Variants in IGFN1 observed in about 807,000 individuals in gnomAD.
IGFN1 encodes immunoglobulin-like and fibronectin type III domain-containing protein 1.
IGFN1 carries 253 observed loss-of-function variants against 289.5 expected under a neutral mutation model. The observed-to-expected ratio is 0.87, with a 90% CI of 0.79 to 0.97. The LOEUF is 0.97. Among genes scored for constraint, IGFN1 ranks in the 50% least tolerant of loss-of-function variants. IGFN1 has a pLI of 0.00. For synonymous variants in IGFN1, 1,706 were observed against 1,788.5 expected, an observed-to-expected ratio of 0.95 and a Z score of 1.16; for missense variants, 4,470 against 4,686.1, an observed-to-expected ratio of 0.95 and a Z score of 1.35.
At position 201,207,418 on chromosome 1, in the gene IGFN1, A is replaced by C. The variant is rs1336822500; in HGVS notation, c.2525A>C (p.Asp842Ala). 6.5e-7 allele frequency: 1 copy of C among 1,533,306 alleles called. No homozygotes were observed. Among genetic ancestry groups the C allele is most frequent in the East Asian group, 2.4e-5 (1 of 40,860 alleles). 95.0% of individuals were successfully genotyped at this position (1,533,306 alleles called of 1,614,324 possible). ...TCTAAGGGCACAAGTCCTTGGGATGACACACCATCTAGCCTCAGAAAAACT... is the reference window on the plus strand; with the variant it reads ...TCTAAGGGCACAAGTCCTTGGGATGCCACACCATCTAGCCTCAGAAAAACT... ...IESKGTSPWD[D>A]TPSSLRKTGA... The change falls in exon 12 of 24, where the codon GAC becomes GCC. Residue 842 changes from aspartate to alanine, a missense_variant. By Grantham distance (126) the Asp-to-Ala change is moderately radical (BLOSUM62 -2). Transcript: ENST00000335211.
chr1:201,211,969 G>A lies in IGFN1; in HGVS notation c.7076G>A (p.Gly2359Glu). ...GGACCAGAGGGTAAGATGGGTTATGGAGATGGTTCAGGGAGGCTTGGAGTA... is the reference window on the plus strand; with the variant it reads ...GGACCAGAGGGTAAGATGGGTTATGAAGATGGTTCAGGGAGGCTTGGAGTA... Reference protein sequence around the residue: ...ETGPEGKMGYGDGSGRLGVPG... With the variant: ...ETGPEGKMGYEDGSGRLGVPG... Residue 2359 changes from glycine to glutamate, a missense_variant, in exon 12 of 24, where the codon GGA (glycine) becomes GAA (glutamate). Transcript: ENST00000335211. 2.0e-6 allele frequency: 3 copies of A among 1,534,370 alleles called. No homozygotes were observed. Among genetic ancestry groups the A allele is most frequent in the Non-Finnish European group, 2.6e-6 (3 of 1,145,594 alleles).
At position 201,207,021 on chromosome 1, in the gene IGFN1, G is replaced by A; in HGVS notation, c.2128G>A (p.Gly710Ser). The A allele has an allele frequency of 6.5e-7, 1 of 1,536,784 alleles. No homozygotes were observed. Among genetic ancestry groups the A allele is most frequent in the African/African-American group, 1.4e-5 (1 of 73,136 alleles). The change falls in exon 12 of 24, where the codon GGC becomes AGC. Residue 710 changes from glycine (G) to serine (S), a missense_variant. Gly to Ser is a moderately conservative substitution (Grantham distance 56). This residue lies in a region of IGFN1 where 2,011 missense variants were observed against 1,953.4 expected (regional missense o/e 1.03). Coordinates refer to ENST00000335211, the MANE Select transcript of IGFN1 (RefSeq NM_001164586.2). ...GRDADYGEAR[G>S]YWGSGELLEQ... is the part of the protein sequence containing the mutation. ...AGATGCTGACTATGGGGAAGCCAGG[G>A]GCTACTGGGGGTCAGGAGAGTTGCT... is the stretch of plus-strand genomic sequence containing the variant.
At chr1:201,203,599 C>A in intron 9 of IGFN1, 139 bp from the exon 10 acceptor site, 1 of 727,488 alleles carries the variant, frequency 1.4e-6, no homozygotes, top group Non-Finnish European at 2.3e-6. Context: ...CCCATCCCAG[C>A]TCCTCTATGG....
chr1:201,206,456 G>A lies in IGFN1; in HGVS notation c.1563G>A (p.Arg521=), dbSNP rs1301224600. ...EGGWARSLAE[R]PHLQGESSES... ...GCTGGGCCAGAAGCCTTGCAGAGAG[G>A]CCCCATCTACAGGGAGAGAGCTCAG... Residue 521 remains arginine (R), a synonymous_variant, in exon 12 of 24, where the codon AGG becomes AGA. Transcript: ENST00000335211. 9 of 1,551,190 alleles carry A rather than the reference G, an allele frequency of 5.8e-6. No individual in the cohort carries two copies. The Admixed American group carries it at 1.2e-4, about 20-fold the overall frequency.
In IGFN1 at chr1:201,227,148, A is replaced by G. The variant is rs1205764464; in HGVS notation, c.11053A>G (p.Lys3685Glu). 2.5e-6 allele frequency: 4 copies of G among 1,613,032 alleles called. No individual in the cohort carries two copies. In the Admixed American group the frequency reaches 5.0e-5, roughly 20 times the overall value. The change falls in exon 23 of 24, where the codon AAG becomes GAG. Residue 3685 changes from lysine (K) to glutamate (E), a missense_variant. Coordinates refer to ENST00000335211, the MANE Select transcript of IGFN1 (RefSeq NM_001164586.2). ...ATCCCCGAAGGACAGCGGGGAGTAC[A>G]AGGCTGTGGCTGAGAACACGCTGGG... is the stretch of plus-strand genomic sequence containing the variant. The part of the protein sequence containing the change: ...SVSPKDSGEY[K>E]AVAENTLGQA...
rs773429398 is a variant in IGFN1, at chr1:201,226,917, C to T, written c.10822C>T (p.Pro3608Ser). ...FTVKAPCYRE[P>S]DLSQKPRFLV... ...AGTGAAGGCTCCGTGCTACCGGGAG[C>T]CCGACCTGAGCCAGAAGCCCCGGTT... Residue 3608 changes from proline (P) to serine (S), a missense_variant, in exon 23 of 24, where the codon CCC (proline) becomes TCC (serine). Physicochemically the swap from Pro to Ser is moderately conservative, Grantham distance 74. Transcript: ENST00000335211. 6.8e-6 allele frequency: 11 copies of T among 1,607,584 alleles called. No homozygotes were observed. Among genetic ancestry groups the T allele is most frequent in the South Asian group, 2.2e-5 (2 of 90,450 alleles).
chr1:201,209,100 G>A lies in IGFN1; in HGVS notation c.4207G>A (p.Gly1403Arg). 6.5e-7 allele frequency: 1 copy of A among 1,535,626 alleles called. No individual in the cohort carries two copies. Among genetic ancestry groups the A allele is most frequent in the Non-Finnish European group, 8.7e-7 (1 of 1,146,426 alleles). The change falls in exon 12 of 24, where the codon GGG becomes AGG. Residue 1403 changes from glycine to arginine, a missense_variant. Coordinates refer to ENST00000335211, the MANE Select transcript of IGFN1 (RefSeq NM_001164586.2). ...RAGLRGPGEM[G>R]SLDESGHRNG... is the part of the protein sequence containing the mutation. ...TGGTTTAAGGGGTCCTGGGGAGATG[G>A]GGTCACTGGATGAGTCAGGTCATAG... is the stretch of plus-strand genomic sequence containing the variant.
Position 201,208,448 on chromosome 1 carries a change from T to A in IGFN1, c.3555T>A (p.Asp1185Glu), listed in dbSNP as rs1667543783. The A allele has an allele frequency of 6.9e-7, 1 of 1,446,198 alleles. No individual in the cohort carries two copies. The highest frequency in any genetic ancestry group is 9.0e-7 in the Non-Finnish European group (1 of 1,106,738). 89.6% of individuals were successfully genotyped at this position (1,446,198 alleles called of 1,614,324 possible). Residue 1185 changes from aspartate to glutamate, a missense_variant, in exon 12 of 24, where the codon GAT (aspartate) becomes GAA (glutamate). Physicochemically the swap from Asp to Glu is conservative, Grantham distance 45 (BLOSUM62 2). This residue lies in a region of IGFN1 where 2,011 missense variants were observed against 1,953.4 expected (regional missense o/e 1.03). Coordinates refer to ENST00000335211, the MANE Select transcript of IGFN1 (RefSeq NM_001164586.2). ...GAGCTGGAGCTGGTTATAGGGATGA[T>A]ACCAGGCACCCTGAGTCACTCGCAC... ...ASGAGAGYRD[D>E]TRHPESLAPH...
At chr1:201,221,864 A>G in intron 19 of IGFN1, 118 bp downstream of exon 19, 1 of 850,444 alleles carries the variant, frequency 1.2e-6, no homozygotes, top group South Asian at 1.9e-5. Flanking sequence ...TTCAGGAAGT[A>G]ACATTTATTG....
chr1:201,208,002 G>T lies in IGFN1; in HGVS notation c.3109G>T (p.Ala1037Ser), dbSNP rs1330513480. Residue 1037 changes from alanine (A) to serine (S), a missense_variant, in exon 12 of 24, where the codon GCC becomes TCC. This residue lies in a region of IGFN1 where 2,011 missense variants were observed against 1,953.4 expected (regional missense o/e 1.03). Coordinates refer to ENST00000335211, the MANE Select transcript of IGFN1 (RefSeq NM_001164586.2). ...GPAGGGSGRV[A>S]SLKNGSGGPD... Reference sequence around the variant, plus strand: ...TGCAGGAGGAGGGTCTGGGAGAGTTGCCAGTCTTAAAAATGGCTCAGGTGG... The same window carrying T: ...TGCAGGAGGAGGGTCTGGGAGAGTTTCCAGTCTTAAAAATGGCTCAGGTGG... The T allele has an allele frequency of 6.5e-6, 10 of 1,536,788 alleles. No individual in the cohort carries two copies. Among genetic ancestry groups the T allele is most frequent in the African/African-American group, 1.4e-5 (1 of 72,966 alleles).
chr1:201,227,327 ACT>A (rs1654176802), intron 23 of IGFN1, 119 bp downstream of exon 23: 4 of 701,566 alleles, frequency 5.7e-6, no homozygotes, highest in South Asian at 2.0e-5. Flanking sequence ...GGAGACCAGG[ACT>A]CTCTGCCTGA....
In IGFN1 at chr1:201,224,837, G is replaced by A; in HGVS notation, c.10449G>A (p.Gly3483=). 1.2e-6 allele frequency: 2 copies of A among 1,613,992 alleles called. No homozygotes were observed. Among genetic ancestry groups the A allele is most frequent in the Non-Finnish European group, 1.7e-6 (2 of 1,179,946 alleles). Residue 3483 remains glycine, a synonymous_variant, in exon 21 of 24, where the codon GGG becomes GGA. Transcript: ENST00000335211. The part of the protein sequence containing the change: ...LYTVVLRTLQ[G]KEVAHSFRIR... ...CTGTGGTGCTGAGGACCCTGCAGGG[G>A]AAGGAGGTTGCCCACAGCTTCCGTA...
intron 18 of IGFN1, among the ~76,000 whole-genome samples, chr1:201,219,949 T>G (rs1653607308): frequency 6.7e-6 from 1 of 149,980 alleles, no homozygotes. Flanking sequence ...CCTTCCTTCT[T>G]TCTCTCTCTC....
At chr1:201,228,360 C>A (rs1304276231) in intron 23 of IGFN1, 26 bp from the exon 24 acceptor site, 1 of 1,613,622 alleles carries the variant, frequency 6.2e-7, no homozygotes, top group Non-Finnish European at 8.5e-7. Flanking sequence ...CCCTCTGAAC[C>A]AACTGGAATA....
rs1027361218 is a variant in IGFN1, at chr1:201,205,400, T to A, written c.1189+46T>A. The A allele has an allele frequency of 1.8e-5, 27 of 1,479,618 alleles. No homozygotes were observed. The African/African-American group carries it at 3.7e-4, about 20-fold the overall frequency. 91.7% of individuals were successfully genotyped at this position (1,479,618 alleles called of 1,614,324 possible). ...TCTTTCTCTGCCTCCAGGGAAGACC[T>A]TGGGGCTGCGGAGGCATGAGGAAGG... On this transcript the variant is annotated intron_variant, in intron 11 of 23. Coordinates refer to ENST00000335211, the MANE Select transcript of IGFN1 (RefSeq NM_001164586.2).
intron 1 of IGFN1, among the ~76,000 whole-genome samples, chr1:201,191,429 G>A (rs1184233483): frequency 3.3e-5 from 5 of 152,152 alleles, no homozygotes; most frequent in Non-Finnish European, 7.3e-5. Flanking sequence ...CCTGGAGAGG[G>A]GGCAGGGAGG....
rs555002038 is a variant in IGFN1 at position 201,195,894 on chromosome 1, T to C, written c.183T>C (p.Arg61=). The change falls in exon 4 of 24, where the codon CGT becomes CGC. Residue 61 remains arginine, a synonymous_variant. Transcript: ENST00000335211. ...VVCGEPRPEV[R]WQNSKGDLSD... is the part of the protein sequence containing the mutation. ...GTGGGGAGCCCAGGCCCGAGGTGCG[T>C]TGGCAGAACTCCAAAGGTGACCTCA... 4.3e-5 allele frequency: 66 copies of C among 1,551,764 alleles called. No homozygotes were observed. The South Asian group carries it at 5.9e-4, about 14-fold the overall frequency.
At chr1:201,198,437 T>C (rs1033772147) in intron 5 of IGFN1, among the ~76,000 whole-genome samples, 24 of 147,954 alleles carry the variant, frequency 1.6e-4, no homozygotes, top group Non-Finnish European at 2.1e-4. Context: ...TGCTTGGCCT[T>C]TTATTTTCTA....
rs1432736187 is a variant in IGFN1 at position 201,212,896 on chromosome 1, C to G, written c.8003C>G (p.Pro2668Arg). ...GCTTTTGGTGGGACCCATGAAGGGC[C>G]AGGGGGCTTTAAGGGTGGGGAGGGT... ...DAAFGGTHEG[P>R]GGFKGGEGAP... The change falls in exon 12 of 24, where the codon CCA (proline) becomes CGA (arginine). Residue 2668 changes from proline to arginine, a missense_variant. By Grantham distance (103) the Pro-to-Arg change is moderately radical. Around this residue, in one of 8 missense-constraint regions of IGFN1, gnomAD observed 2,218 missense variants for 2,114.1 expected, o/e 1.05. Coordinates refer to ENST00000335211, the MANE Select transcript of IGFN1 (RefSeq NM_001164586.2). 1.3e-6 allele frequency: 2 copies of G among 1,551,316 alleles called. No homozygotes were observed. Among genetic ancestry groups the G allele is most frequent in the Admixed American group, 3.9e-5 (2 of 50,982 alleles).
Sources: gnomAD v4.1 joint callset for allele counts (sites outside exome capture counted in the v4.1 genomes callset) on GRCh38, gnomAD v4.1.1 for gene constraint, gnomAD v4.1.1 regional missense constraint, MANE v1.5 for transcripts, NCBI Gene and HGNC (gene_info 2026-07-23, HGNC 2026-07-21) for gene names.